PCYT1A: variants seen among roughly 807,000 people sequenced by gnomAD.
The protein encoded by PCYT1A is phosphate cytidylyltransferase 1A, choline, also known as choline-phosphate cytidylyltransferase A.
In PCYT1A, 25 loss-of-function variants were observed where a neutral mutation model predicts 43.7. The observed-to-expected ratio is 0.57, with a 90% CI of 0.42 to 0.80. PCYT1A has a LOEUF of 0.80. PCYT1A is among the 30% of genes least tolerant of loss of function. The pLI, the probability that PCYT1A is intolerant of heterozygous loss-of-function variation, is 0.00. For missense variants in PCYT1A, 421 were observed against 474.2 expected, an observed-to-expected ratio of 0.89 and a Z score of 1.04; for synonymous variants, 172 against 170.7, an observed-to-expected ratio of 1.01 and a Z score of -0.06.
At chr3:196,279,896 A>G (rs1167394272) in intron 1 of PCYT1A, among the ~76,000 whole-genome samples, 1 of 131,958 alleles carries the variant, frequency 7.6e-6, no homozygotes, top group Admixed American at 9.2e-5. Context: ...GTACAATGGC[A>G]CGATCTCAGC....
chr3:196,268,378 A>T lies in PCYT1A; in HGVS notation c.117+2037T>A, dbSNP rs565351469. ...AAACTAACAATGCCCTGTTTTGTTGATTGCTGAGTCACTTTCTGAGCTTAT... is the reference window on the plus strand; with the variant it reads ...AAACTAACAATGCCCTGTTTTGTTGTTTGCTGAGTCACTTTCTGAGCTTAT... On this transcript the variant is annotated intron_variant, in intron 2 of 8. Transcript: ENST00000431016. This position sits in a 1 kb window ranked among gnomAD's most constrained non-coding sequence, Gnocchi z 4.4. 2.4e-4 allele frequency among the ~76,000 whole-genome samples: 37 copies of T among 152,288 alleles called. No individual in the cohort carries two copies. In the South Asian group the frequency reaches 7.0e-3, roughly 29 times the overall value.
chr3:196,243,511 T>C (rs1352112179), intron 5 of PCYT1A, among the ~76,000 whole-genome samples: 1 of 147,548 alleles, frequency 6.8e-6, no homozygotes, highest in Non-Finnish European at 1.5e-5. Flanking sequence ...CCCTCTCCCT[T>C]CTCCCCTCTC....
chr3:196,247,743 A>C lies in PCYT1A; in HGVS notation c.335-225T>G, dbSNP rs1724616289. On this transcript the variant is annotated intron_variant, in intron 4 of 8. Coordinates refer to ENST00000431016, the MANE Select transcript of PCYT1A (RefSeq NM_001312673.2). The surrounding 1 kb of genome is among the most constrained non-coding windows in gnomAD (Gnocchi z 4.8). ...AAACAGTATGTTCATACTTTGGAGAAGGGACAGTACAACAGGTGACCAAGA... is the reference window on the plus strand; with the variant it reads ...AAACAGTATGTTCATACTTTGGAGACGGGACAGTACAACAGGTGACCAAGA... 1.5e-6 allele frequency: 1 copy of C among 673,824 alleles called. No homozygotes were observed. Among genetic ancestry groups the C allele is most frequent in the South Asian group, 1.5e-5 (1 of 66,254 alleles). The allele number at this position is 673,824 out of a possible 1,614,324, so 41.7% of individuals were successfully genotyped here.
intron 2 of PCYT1A, among the ~76,000 whole-genome samples, chr3:196,265,233 T>G (rs945410981): frequency 6.6e-6 from 1 of 151,616 alleles, no homozygotes; most frequent in Non-Finnish European, 1.5e-5. Context: ...CCAGCTAATT[T>G]TTTTTTGTAT....
In PCYT1A at chr3:196,247,515, CA is replaced by C; in HGVS notation, c.337del (p.Cys113AlafsTer14). ...FPNTYLIVGV[C>X]SDELTHNFKG... is the part of the protein sequence containing the mutation. The stretch of plus-strand genomic sequence containing the variant: ...GAAGTTGTGTGTGAGCTCATCACTG[CA>C]AACTGGTTCACCACATCATAAATTG... On this transcript the variant is annotated frameshift_variant and splice_region_variant, in exon 5 of 9. Coordinates refer to ENST00000431016, the MANE Select transcript of PCYT1A (RefSeq NM_001312673.2). LOFTEE classifies it high-confidence loss of function. The surrounding 1 kb of genome is among the most constrained non-coding windows in gnomAD (Gnocchi z 4.8). 6.2e-7 allele frequency: 1 copy of C among 1,614,082 alleles called. No individual in the cohort carries two copies. Among genetic ancestry groups the C allele is most frequent in the Non-Finnish European group, 8.5e-7 (1 of 1,179,922 alleles).
intron 2 of PCYT1A, among the ~76,000 whole-genome samples, chr3:196,266,602 A>T (rs1725281622): frequency 6.6e-6 from 1 of 152,062 alleles, no homozygotes; most frequent in African/African-American, 2.4e-5. Context: ...AAAAAAATGA[A>T]GTACTGGCCG....
chr3:196,239,225 G>A (rs757569010), intron 8 of PCYT1A, among the ~76,000 whole-genome samples: 3 of 152,168 alleles, frequency 2.0e-5, no homozygotes, highest in Non-Finnish European at 4.4e-5. Context: ...AGTGGAGGCT[G>A]CTTTCTTTTT....
At chr3:196,267,466 AC>A (rs1329162074) in intron 2 of PCYT1A, 1 of 370,454 alleles carries the variant, frequency 2.7e-6, no homozygotes, top group East Asian at 8.3e-5. Context: ...CTGTAATCCC[AC>A]ACTGTGGCAG....
At position 196,256,534 on chromosome 3, in the gene PCYT1A, A is replaced by G. The variant is rs553844174; in HGVS notation, c.217+1254T>C. Among the ~76,000 whole-genome samples, 4 of 152,124 alleles carry G rather than the reference A, an allele frequency of 2.6e-5. No homozygotes were observed. In the East Asian group the frequency reaches 5.8e-4, roughly 22 times the overall value. ...CAGTATGACACTGTACATCACTTCT[A>G]TTTGTTTTTTGTTTGTTTGTTTTGA... On this transcript the variant is annotated intron_variant, in intron 3 of 8. Transcript: ENST00000431016.
At chr3:196,258,826 A>G (rs891140681) in intron 2 of PCYT1A, among the ~76,000 whole-genome samples, 2 of 152,046 alleles carry the variant, frequency 1.3e-5, no homozygotes, top group African/African-American at 4.8e-5. Context: ...GCCTCAAGCA[A>G]TCATTCCACC....
In PCYT1A at chr3:196,252,073, T is replaced by TGACTACAGCGCACCCCGCCACGCCCCGCA. The variant is rs1398484580; in HGVS notation, c.218-3779_218-3751dup. On this transcript the variant is annotated intron_variant, in intron 3 of 8. Coordinates refer to ENST00000431016, the MANE Select transcript of PCYT1A (RefSeq NM_001312673.2). The surrounding 1 kb of genome is among the most constrained non-coding windows in gnomAD (Gnocchi z 4.0). ...TACAGCGCACACCACCACGCCCCGCTGACTACAGCGCACCCCGCCACGCCC... is the reference window on the plus strand; with the variant it reads ...TACAGCGCACACCACCACGCCCCGCTGACTACAGCGCACCCCGCCACGCCCCGCAGACTACAGCGCACCCCGCCACGCCC... Among the ~76,000 whole-genome samples, 4 of 149,308 alleles carry TGACTACAGCGCACCCCGCCACGCCCCGCA rather than the reference T, an allele frequency of 2.7e-5. No homozygotes were observed. The highest frequency in any genetic ancestry group is 2.5e-4 in the South Asian group (1 of 4,078).
chr3:196,245,950 C>CAA (rs113177220), intron 5 of PCYT1A, among the ~76,000 whole-genome samples: 14 of 106,314 alleles, frequency 1.3e-4, no homozygotes, highest in African/African-American at 4.6e-4. Context: ...AACTCTGTCT[C>CAA]AAAAAAAAAA....
At chr3:196,255,657 G>A (rs537574818) in intron 3 of PCYT1A, among the ~76,000 whole-genome samples, 7 of 152,116 alleles carry the variant, frequency 4.6e-5, no homozygotes, top group East Asian at 3.9e-4. Context: ...TCACACCACC[G>A]CACTCCAGCC....
intron 3 of PCYT1A, among the ~76,000 whole-genome samples, chr3:196,251,892 G>A (rs1724800341): frequency 6.6e-6 from 1 of 152,200 alleles, no homozygotes; most frequent in Non-Finnish European, 1.5e-5. Context: ...ATATTAAACT[G>A]TGGGAATGTA....
At chr3:196,274,174 G>A (rs1415447878) in intron 1 of PCYT1A, among the ~76,000 whole-genome samples, 1 of 152,242 alleles carries the variant, frequency 6.6e-6, no homozygotes, top group Non-Finnish European at 1.5e-5. Context: ...GGAGAGGCCA[G>A]GCAGTGGGAG....
intron 7 of PCYT1A, chr3:196,241,569 T>C: frequency 7.7e-7 from 1 of 1,300,050 alleles, no homozygotes; most frequent in Non-Finnish European, 1.0e-6. Flanking sequence ...GTGTGGGAAG[T>C]GGTGTGTCGG....
At position 196,239,539 on chromosome 3, in the gene PCYT1A, G is replaced by GAACATACC; in HGVS notation, c.897_897+7dup. Reference sequence around the variant, plus strand: ...ACTCCCTACATTGTCCAGTGGGAAAGAACATACCAGTGCTCCTTCCGGACC... The same window carrying GAACATACC: ...ACTCCCTACATTGTCCAGTGGGAAAGAACATACCAACATACCAGTGCTCCTTCCGGACC... On this transcript the variant is annotated splice_region_variant and intron_variant, in intron 8 of 8. Coordinates refer to ENST00000431016, the MANE Select transcript of PCYT1A (RefSeq NM_001312673.2). 2 of 1,584,958 alleles carry GAACATACC rather than the reference G, an allele frequency of 1.3e-6. No individual in the cohort carries two copies. Among genetic ancestry groups the GAACATACC allele is most frequent in the East Asian group, 4.5e-5 (2 of 44,724 alleles).
At chr3:196,244,023 C>A (rs1455299762) in intron 5 of PCYT1A, among the ~76,000 whole-genome samples, 1 of 151,774 alleles carries the variant, frequency 6.6e-6, no homozygotes, top group Non-Finnish European at 1.5e-5. Flanking sequence ...AGCCCCTCTG[C>A]CCGGCCGCCC....
intron 1 of PCYT1A, among the ~76,000 whole-genome samples, chr3:196,272,469 C>T (rs1725461182): frequency 6.6e-6 from 1 of 152,212 alleles, no homozygotes; most frequent in African/African-American, 2.4e-5. Context: ...CAGGCGTGAG[C>T]CATGGCGCCT....
Sources: gnomAD v4.1 joint callset for allele counts (sites outside exome capture counted in the v4.1 genomes callset) on GRCh38, gnomAD v4.1.1 for gene constraint, Gnocchi (gnomAD v3.1) non-coding constraint, MANE v1.5 for transcripts, NCBI Gene and HGNC (gene_info 2026-07-23, HGNC 2026-07-21) for gene names.